ZNF117: variants seen among roughly 807,000 people sequenced by gnomAD.
ZNF117 encodes the protein zinc finger protein 117, also known as Krueppel-related zinc finger protein.
In ZNF117, 37 loss-of-function variants were observed where a neutral mutation model predicts 41.2. The ratio of observed to expected loss-of-function variants is 0.90; its 90% CI spans 0.69 to 1.18. The LOEUF is 1.18. Ranked by LOEUF, ZNF117 falls within the 50% of genes most tolerant of loss-of-function variation. ZNF117 has a pLI of 0.00. For missense variants in ZNF117, 546 were observed against 557.5 expected (o/e 0.98, Z 0.21); for synonymous variants, 186 against 186.6 (o/e 1.00, Z 0.02).
At chr7:64,978,778 T>C (rs1465340058) in exon 3 of ZNF117, 2 of 1,613,452 alleles carry the variant, frequency 1.2e-6, no homozygotes, top group Admixed American at 1.7e-5. Flanking sequence ...TTATGTTCAG[T>C]AAGTTTTGAG....
At chr7:64,980,982 C>CT (rs1432043225) in intron 2 of ZNF117, 1 of 76,678 alleles carries the variant, frequency 1.3e-5, no homozygotes, top group Non-Finnish European at 2.6e-5. Flanking sequence ...AACAAAAAAA[C>CT]CAATGGAACA....
intron 1 of ZNF117, among the ~76,000 whole-genome samples, chr7:64,987,828 GAAAA>G (rs71061345): frequency 2.2e-5 from 3 of 136,836 alleles, no homozygotes; most frequent in East Asian, 2.1e-4. Context: ...CCACAAAAAG[GAAAA>G]AAAAAAAAAA....
chr7:64,979,221 G>A (rs1785970669), exon 3 of ZNF117: 5 of 1,609,188 alleles, frequency 3.1e-6, no homozygotes, highest in African/African-American at 1.3e-5. Flanking sequence ...CATGCAAAAT[G>A]TTTTGCGACA....
upstream of ZNF117, among the ~76,000 whole-genome samples, chr7:64,984,901 A>C (rs1159984302): frequency 6.6e-6 from 1 of 152,046 alleles, no homozygotes; most frequent in Non-Finnish European, 1.5e-5. Context: ...AGCGATTCAC[A>C]TGCCTCAGCC....
exon 3 of ZNF117, chr7:64,978,097 T>G (rs771415659): frequency 8.8e-6 from 14 of 1,599,854 alleles, no homozygotes; most frequent in Non-Finnish European, 1.2e-5. Context: ...TGAATTTTCT[T>G]GTGTTCAATG....
chr7:64,975,460 T>G (rs1047369225), exon 3 of ZNF117: 2 of 152,044 alleles, frequency 1.3e-5, no homozygotes, highest in African/African-American at 4.8e-5. Flanking sequence ...ATTTTTATCA[T>G]GCATCCTACA....
At chr7:64,988,510 G>C (rs981292883) in intron 1 of ZNF117, among the ~76,000 whole-genome samples, 3 of 152,094 alleles carry the variant, frequency 2.0e-5, no homozygotes, top group African/African-American at 7.2e-5. Context: ...GTGGACAAAA[G>C]CTGGAAGCAT....
At chr7:64,973,287 T>A (rs993698206), downstream of ZNF117, 1 of 152,012 alleles carries the variant, frequency 6.6e-6, no homozygotes, top group Non-Finnish European at 1.5e-5. Flanking sequence ...TGGAAATGTA[T>A]GTTATGCTAT....
At chr7:64,978,869 T>G (rs1227479352) in exon 3 of ZNF117, 7 of 1,613,716 alleles carry the variant, frequency 4.3e-6, no homozygotes, top group Non-Finnish European at 5.9e-6. Context: ...CAGTAAGCTT[T>G]GAGGCTTGGT....
chr7:64,976,566 T>C, exon 3 of ZNF117: 1 of 202,180 alleles, frequency 4.9e-6, no homozygotes, highest in Non-Finnish European at 1.0e-5. Flanking sequence ...TCCACATTTA[T>C]ATTTGTACAA....
At chr7:64,978,408 G>A (rs1299292613) in exon 3 of ZNF117, 2 of 1,612,040 alleles carry the variant, frequency 1.2e-6, no homozygotes, top group Non-Finnish European at 1.7e-6. Context: ...ACATTTGTGG[G>A]GATTCTCTCC....
At chr7:64,978,510 A>G in exon 3 of ZNF117, 3 of 1,613,256 alleles carry the variant, frequency 1.9e-6, no homozygotes, top group Non-Finnish European at 8.5e-7. Context: ...TCCAGTATGA[A>G]TTACCTTATG....
chr7:64,988,581 G>A (rs1229494851), intron 1 of ZNF117, among the ~76,000 whole-genome samples: 1 of 152,102 alleles, frequency 6.6e-6, no homozygotes, highest in Non-Finnish European at 1.5e-5. Flanking sequence ...ATTCAACATA[G>A]AATTGGCAGC....
In ZNF117 at chr7:64,978,594, A is replaced by AT. The variant is rs745377700; in HGVS notation, c.976dup (p.Ile326AsnfsTer11). 1.2e-6 allele frequency: 2 copies of AT among 1,612,672 alleles called. No homozygotes were observed. Among genetic ancestry groups the AT allele is most frequent in the Admixed American group, 1.7e-5 (1 of 59,868 alleles). ...TTTGTAGGGTTTCTCTCCAGTATGA[A>AT]TTTTTTTATGGTCAGTAAGATTTGA... On this transcript the variant is annotated frameshift_variant, in exon 3 of 3. Coordinates refer to ENST00000620222, the Ensembl canonical transcript of ZNF117. LOFTEE classifies it high-confidence loss of function.
exon 3 of ZNF117, chr7:64,977,511 T>C (rs1016132999): frequency 3.9e-6 from 2 of 518,986 alleles, no homozygotes; most frequent in African/African-American, 3.9e-5. Context: ...AATTCTTTTA[T>C]GTATAGTAAG....
chr7:64,982,498 T>C (rs983278804), upstream of ZNF117, among the ~76,000 whole-genome samples: 5 of 152,204 alleles, frequency 3.3e-5, 1 homozygote, highest in East Asian at 7.7e-4. Context: ...CTCGCAAGTT[T>C]TAATGTGTAT....
exon 3 of ZNF117, chr7:64,976,976 G>A: frequency 1.9e-6 from 1 of 534,840 alleles, no homozygotes; most frequent in Non-Finnish European, 3.8e-6. Flanking sequence ...CTTCACATTT[G>A]TAGGGTTTCT....
intron 1 of ZNF117, among the ~76,000 whole-genome samples, chr7:64,987,993 G>A (rs11978852): frequency 0.38 from 57,666 of 151,790 alleles, 11,200 homozygotes; most frequent in Middle Eastern, 0.43. Flanking sequence ...AGCCCAGGAC[G>A]AGAGAGATTC....
chr7:64,984,396 CCAT>C (rs1786092436), upstream of ZNF117, among the ~76,000 whole-genome samples: 2 of 152,242 alleles, frequency 1.3e-5, no homozygotes, highest in South Asian at 2.1e-4. Flanking sequence ...CCTCCCACCA[CCAT>C]AACTTTCCGA....
Sources: allele counts gnomAD v4.1 joint callset (sites outside exome capture counted in the v4.1 genomes callset), GRCh38; gene constraint gnomAD v4.1.1; transcripts MANE v1.5; gene names NCBI Gene and HGNC (gene_info 2026-07-23, HGNC 2026-07-21).